ARHGAP20: variants seen among roughly 807,000 people sequenced by gnomAD.
ARHGAP20 encodes the protein rho GTPase-activating protein 20.
A neutral mutation model predicts 73.7 loss-of-function variants in ARHGAP20; 34 were observed. The ratio of observed to expected loss-of-function variants is 0.46; its 90% CI spans 0.35 to 0.61. The LOEUF (loss-of-function observed/expected upper bound fraction) is 0.61. Ranked by LOEUF, ARHGAP20 falls within the 20% of genes least tolerant of loss-of-function variation. The pLI, the probability that ARHGAP20 is intolerant of heterozygous loss-of-function variation, is 0.00. For synonymous variants in ARHGAP20, 523 were observed against 518.2 expected (o/e 1.01, Z -0.13); for missense variants, 1,314 against 1,420.9 (o/e 0.92, Z 1.21).
At chr11:110,679,441 G>C (rs1028087243) in intron 2 of ARHGAP20, among the ~76,000 whole-genome samples, 1 of 152,102 alleles carries the variant, frequency 6.6e-6, no homozygotes, top group Non-Finnish European at 1.5e-5. Context: ...AAGTAGACCA[G>C]ATTCTACATA....
intron 2 of ARHGAP20, among the ~76,000 whole-genome samples, chr11:110,652,304 G>A (rs142959015): frequency 2.4e-4 from 36 of 152,186 alleles, no homozygotes; most frequent in African/African-American, 7.9e-4. Context: ...AAAGCTGGAA[G>A]CATTCCTTTG....
At position 110,640,969 on chromosome 11, in the gene ARHGAP20, C is replaced by T. The variant is rs536581661; in HGVS notation, c.189-10177G>A. ...TATGACTTGTATTATGAGAACACAG[C>T]CTAGTGATAATAGTAATACCAGCAT... On this transcript the variant is annotated intron_variant, in intron 2 of 14. Coordinates refer to ENST00000683387, the MANE Select transcript of ARHGAP20 (RefSeq NM_001384657.1). Among the ~76,000 whole-genome samples, 4 of 152,008 alleles carry T rather than the reference C, an allele frequency of 2.6e-5. No individual in the cohort carries two copies. In the East Asian group the frequency reaches 7.7e-4, roughly 29 times the overall value.
chr11:110,604,092 A>G (rs1288020955), intron 9 of ARHGAP20, among the ~76,000 whole-genome samples: 1 of 152,154 alleles, frequency 6.6e-6, no homozygotes, highest in African/African-American at 2.4e-5. Flanking sequence ...CCTGTTATGT[A>G]ACACTTACAT....
In ARHGAP20 at chr11:110,642,366, G is replaced by A. The variant is rs778159225; in HGVS notation, c.189-11574C>T. ...AGAGTGGGCATTCTTGTCTTGTTCC[G>A]GTTCTCAAAGAGAATGGATCCAGCT... On this transcript the variant is annotated intron_variant, in intron 2 of 14. Transcript: ENST00000683387. Among the ~76,000 whole-genome samples the A allele has an allele frequency of 4.6e-5, 7 of 152,132 alleles. No homozygotes were observed. The Middle Eastern group carries it at 0.01, about 222-fold the overall frequency.
Position 110,712,271 on chromosome 11 carries a change from T to A in ARHGAP20, c.-40A>T. ...AACAAATCCCAGCCCAGGAGGAGGC[T>A]ACACGATCATGTCCGCGGGCTGCCG... On this transcript the variant is annotated 5_prime_UTR_variant, in exon 1 of 15. It removes the in-frame stop codon of an upstream open reading frame in the 5' UTR. Transcript: ENST00000683387. The A allele has an allele frequency of 4.7e-6, 6 of 1,281,848 alleles. No homozygotes were observed. The highest frequency in any genetic ancestry group is 6.0e-6 in the Non-Finnish European group (6 of 1,004,684). The allele number at this position is 1,281,848 out of a possible 1,614,324, so 79.4% of individuals were successfully genotyped here. A position where few individuals can be genotyped will look rare whatever the true frequency, so the allele number is the denominator to read the frequency against.
At chr11:110,627,423 A>G (rs7925779) in intron 3 of ARHGAP20, among the ~76,000 whole-genome samples, 14,681 of 152,090 alleles carry the variant, frequency 0.097, 821 homozygotes, top group African/African-American at 0.15. Context: ...GTAGTCCCTT[A>G]TTACAAATTT....
chr11:110,664,544 C>A (rs184334973), intron 2 of ARHGAP20, among the ~76,000 whole-genome samples: 1 of 151,784 alleles, frequency 6.6e-6, no homozygotes, highest in East Asian at 1.9e-4. Flanking sequence ...CTGGCTAACA[C>A]GGTGAAACCC....
intron 2 of ARHGAP20, among the ~76,000 whole-genome samples, chr11:110,680,213 T>G (rs1401957135): frequency 6.6e-6 from 1 of 152,194 alleles, no homozygotes; most frequent in East Asian, 1.9e-4. Flanking sequence ...AAGTGAGGCC[T>G]GAAGAGGTTA....
chr11:110,605,814 T>C (rs1316678550), intron 9 of ARHGAP20, among the ~76,000 whole-genome samples: 1 of 152,204 alleles, frequency 6.6e-6, no homozygotes, highest in African/African-American at 2.4e-5. Context: ...ATTTGGTTCT[T>C]TGCAAAACGC....
intron 1 of ARHGAP20, chr11:110,691,043 CAAGAA>C: frequency 6.8e-7 from 1 of 1,478,566 alleles, no homozygotes; most frequent in South Asian, 1.3e-5. Context: ...AATTTGGCTT[CAAGAA>C]AAGACAAGTA....
chr11:110,629,663 T>C (rs1352994150), intron 3 of ARHGAP20, among the ~76,000 whole-genome samples: 4 of 152,244 alleles, frequency 2.6e-5, no homozygotes, highest in African/African-American at 9.6e-5. Context: ...TCACTAAGCA[T>C]TCTACACCGT....
At chr11:110,655,245 A>T (rs1384308212) in intron 2 of ARHGAP20, among the ~76,000 whole-genome samples, 1 of 151,852 alleles carries the variant, frequency 6.6e-6, no homozygotes, top group Non-Finnish European at 1.5e-5. Context: ...AATGAGACAC[A>T]TGAAATAATC....
At chr11:110,697,098 T>G (rs547317956) in intron 1 of ARHGAP20, among the ~76,000 whole-genome samples, 12 of 151,842 alleles carry the variant, frequency 7.9e-5, no homozygotes, top group Admixed American at 2.0e-4. Flanking sequence ...TTCCTTTGTG[T>G]AGATACCCAG....
intron 12 of ARHGAP20, among the ~76,000 whole-genome samples, chr11:110,585,094 AATATATGAAT>A (rs978586390): frequency 1.3e-5 from 2 of 150,080 alleles, no homozygotes; most frequent in African/African-American, 4.9e-5. Flanking sequence ...AATATATGTG[AATATATGAAT>A]ATATGTGAAT....
intron 1 of ARHGAP20, among the ~76,000 whole-genome samples, chr11:110,708,933 A>C (rs1313654766): frequency 6.6e-6 from 1 of 152,214 alleles, no homozygotes; most frequent in African/African-American, 2.4e-5. Context: ...CAGTCATGCC[A>C]GCCACATTTC....
chr11:110,685,164 T>C (rs182228006), intron 2 of ARHGAP20, among the ~76,000 whole-genome samples: 119 of 151,604 alleles, frequency 7.8e-4, no homozygotes, highest in African/African-American at 2.8e-3. Context: ...TTTGATTTGT[T>C]GTATTCAACA....
intron 9 of ARHGAP20, among the ~76,000 whole-genome samples, chr11:110,604,813 A>G (rs1332760523): frequency 6.6e-6 from 1 of 152,206 alleles, no homozygotes; most frequent in African/African-American, 2.4e-5. Context: ...CTACTGATTT[A>G]CCAATGACTT....
intron 2 of ARHGAP20, among the ~76,000 whole-genome samples, chr11:110,642,365 C>T (rs1333719979): frequency 2.6e-5 from 4 of 152,060 alleles, no homozygotes; most frequent in Admixed American, 2.0e-4. Flanking sequence ...TGTCTTGTTC[C>T]GGTTCTCAAA....
At chr11:110,631,203 C>A (rs11824553) in intron 2 of ARHGAP20, among the ~76,000 whole-genome samples, 20,734 of 152,098 alleles carry the variant, frequency 0.14, 2,108 homozygotes, top group African/African-American at 0.28. Context: ...CTCTTGATAT[C>A]AAATTTACAT....
Sources: gnomAD v4.1 joint callset for allele counts (sites outside exome capture counted in the v4.1 genomes callset) on GRCh38, gnomAD v4.1.1 for gene constraint, MANE v1.5 for transcripts, NCBI Gene and HGNC (gene_info 2026-07-23, HGNC 2026-07-21) for gene names.